ADARB1: variants seen among roughly 807,000 people sequenced by gnomAD.
The protein encoded by ADARB1 is adenosine deaminase RNA specific B1, also known as double-stranded RNA-specific editase 1.
ADARB1 carries 10 observed loss-of-function variants against 52.4 expected under a neutral mutation model. That is an observed-to-expected ratio of 0.19 (90% CI 0.12 to 0.32). The LOEUF is 0.32. ADARB1 is among the 10% of genes least tolerant of loss of function. ADARB1 has a pLI of 1.00. For missense variants in ADARB1, 643 were observed against 922.3 expected, an observed-to-expected ratio of 0.70 and a Z score of 3.92; for synonymous variants, 349 against 371.1, an observed-to-expected ratio of 0.94 and a Z score of 0.68.
intron 1 of ADARB1, among the ~76,000 whole-genome samples, chr21:45,114,699 A>C (rs2087735503): frequency 6.6e-6 from 1 of 152,222 alleles, no homozygotes; most frequent in African/African-American, 2.4e-5. Flanking sequence ...ACCTCCAGTA[A>C]TAGCTAACAT....
chr21:45,225,049 G>C lies in ADARB1; in HGVS notation c.*2852G>C. On this transcript the variant is annotated 3_prime_UTR_variant, in exon 11 of 11. Coordinates refer to ENST00000348831, the MANE Select transcript of ADARB1 (RefSeq NM_001112.4). ...TTACATTTTGAGGACATTTTGACAA[G>C]TAGGGGAAGAGAGGGCTTCTGTTGT... The C allele has an allele frequency of 1.0e-6, 1 of 980,666 alleles. No homozygotes were observed. Among genetic ancestry groups the C allele is most frequent in the Non-Finnish European group, 1.2e-6 (1 of 829,396 alleles). The allele number at this position is 980,666 out of a possible 1,614,324, so 60.7% of individuals were successfully genotyped here.
chr21:45,225,235 C>T lies in ADARB1; in HGVS notation c.*3038C>T, dbSNP rs565046330. 120 of 1,110,496 alleles carry T rather than the reference C, an allele frequency of 1.1e-4. No individual in the cohort carries two copies. Among genetic ancestry groups the T allele is most frequent in the Non-Finnish European group, 7.6e-5 (69 of 911,292 alleles). The allele number at this position is 1,110,496 out of a possible 1,614,324, so 68.8% of individuals were successfully genotyped here. A position where few individuals can be genotyped will look rare whatever the true frequency, so the allele number is the denominator to read the frequency against. On this transcript the variant is annotated 3_prime_UTR_variant, in exon 11 of 11. Coordinates refer to ENST00000348831, the MANE Select transcript of ADARB1 (RefSeq NM_001112.4). ...CTGTGCCATGAGGCAGCGACAGGTC[C>T]AGATGGATGTCGTCACCACCTTCCT...
At chr21:45,195,749 T>TA (rs1317962443) in intron 8 of ADARB1, among the ~76,000 whole-genome samples, 2 of 152,242 alleles carry the variant, frequency 1.3e-5, no homozygotes, top group African/African-American at 4.8e-5. Flanking sequence ...CTAGACTTTT[T>TA]ATTCTGTCCC....
In ADARB1 at chr21:45,082,127, C is replaced by T. The variant is rs149290345; in HGVS notation, c.-220+7334C>T. On this transcript the variant is annotated intron_variant, in intron 1 of 10. Coordinates refer to ENST00000348831, the MANE Select transcript of ADARB1 (RefSeq NM_001112.4). ...TTGGATGGTGATGATGTGATGATGC[C>T]ACGTTCCAGAGGATCTCAGGTTAGG... Among the ~76,000 whole-genome samples the T allele has an allele frequency of 2.6e-5, 4 of 152,262 alleles. No individual in the cohort carries two copies. The East Asian group carries it at 7.7e-4, about 29-fold the overall frequency.
chr21:45,109,266 CACT>C (rs1471443829), intron 1 of ADARB1, among the ~76,000 whole-genome samples: 1 of 40,802 alleles, frequency 2.5e-5, no homozygotes, highest in African/African-American at 6.4e-5. Context: ...TATGTGTGTG[CACT>C]GCGCGCGTGT....
chr21:45,135,765 A>G (rs2089325862), intron 2 of ADARB1, among the ~76,000 whole-genome samples: 1 of 152,244 alleles, frequency 6.6e-6, no homozygotes, highest in South Asian at 2.1e-4. Flanking sequence ...TATGAAGTGT[A>G]GAATGTCAGC....
At chr21:45,105,934 C>A (rs559535475) in intron 1 of ADARB1, among the ~76,000 whole-genome samples, 11 of 152,134 alleles carry the variant, frequency 7.2e-5, no homozygotes, top group Non-Finnish European at 1.5e-4. Context: ...AGCTTCTTTG[C>A]TTTTTTAGGC....
chr21:45,081,490 C>G (rs1430033058), intron 1 of ADARB1, among the ~76,000 whole-genome samples: 2 of 152,206 alleles, frequency 1.3e-5, no homozygotes, highest in Non-Finnish European at 2.9e-5. Context: ...TGTGAGTGTT[C>G]TGAGCACCTT....
chr21:45,154,345 T>G (rs2090449153), intron 2 of ADARB1, among the ~76,000 whole-genome samples: 1 of 152,218 alleles, frequency 6.6e-6, no homozygotes, highest in Non-Finnish European at 1.5e-5. Context: ...TATTTTGTAA[T>G]AAGCATTATC....
chr21:45,081,178 G>T (rs2086135618), intron 1 of ADARB1, among the ~76,000 whole-genome samples: 1 of 152,142 alleles, frequency 6.6e-6, no homozygotes, highest in Non-Finnish European at 1.5e-5. Flanking sequence ...CTGAGTGCCT[G>T]CTCTGTGTGA....
chr21:45,137,997 C>T (rs1421703855), intron 2 of ADARB1, among the ~76,000 whole-genome samples: 1 of 152,156 alleles, frequency 6.6e-6, no homozygotes, highest in Non-Finnish European at 1.5e-5. Flanking sequence ...GTGATGCCCT[C>T]AAACTTAGAA....
chr21:45,195,463 C>A (rs2092403730), intron 8 of ADARB1, among the ~76,000 whole-genome samples: 1 of 152,112 alleles, frequency 6.6e-6, no homozygotes, highest in South Asian at 2.1e-4. Flanking sequence ...GATGTTACAT[C>A]TGAAAAGTCA....
Position 45,223,881 on chromosome 21 carries a change from T to A in ADARB1, c.*1684T>A. 1 of 985,480 alleles carries A rather than the reference T, an allele frequency of 1.0e-6. No individual in the cohort carries two copies. The allele number at this position is 985,480 out of a possible 1,614,324, so 61.0% of individuals were successfully genotyped here. A position where few individuals can be genotyped will look rare whatever the true frequency, so the allele number is the denominator to read the frequency against. ...TGCTTAGGGCTCATTGTTGGGGACA[T>A]GACCGGGTTCAGCGGCTAGAACATC... On this transcript the variant is annotated 3_prime_UTR_variant, in exon 11 of 11. Coordinates refer to ENST00000348831, the MANE Select transcript of ADARB1 (RefSeq NM_001112.4).
intron 2 of ADARB1, chr21:45,137,250 G>C (rs2089442036): frequency 6.6e-6 from 1 of 152,194 alleles, no homozygotes; most frequent in Non-Finnish European, 1.5e-5. Context: ...GAGGGACTCG[G>C]AGTGACACAG....
At chr21:45,117,561 G>T (rs1046555472) in intron 1 of ADARB1, among the ~76,000 whole-genome samples, 6 of 149,696 alleles carry the variant, frequency 4.0e-5, no homozygotes, top group Non-Finnish European at 3.0e-5. Flanking sequence ...CTTTATCTTT[G>T]TTCTTTCACA....
At chr21:45,156,536 C>T (rs2090657551) in intron 2 of ADARB1, among the ~76,000 whole-genome samples, 1 of 129,250 alleles carries the variant, frequency 7.7e-6, no homozygotes, top group African/African-American at 2.9e-5. Context: ...CACCCATCAC[C>T]CATCATCCAT....
chr21:45,090,193 CTG>C (rs1166725470), intron 1 of ADARB1, among the ~76,000 whole-genome samples: 1 of 152,182 alleles, frequency 6.6e-6, no homozygotes, highest in Non-Finnish European at 1.5e-5. Flanking sequence ...TCCCTCCAGT[CTG>C]TTAATATAGC....
intron 1 of ADARB1, among the ~76,000 whole-genome samples, chr21:45,075,737 G>C (rs1377663362): frequency 6.6e-6 from 1 of 152,076 alleles, no homozygotes; most frequent in Non-Finnish European, 1.5e-5. Context: ...TTCCTGTCCA[G>C]GTTTCTATGT....
At chr21:45,168,438 T>C (rs2091342151) in intron 2 of ADARB1, among the ~76,000 whole-genome samples, 2 of 152,248 alleles carry the variant, frequency 1.3e-5, no homozygotes, top group African/African-American at 4.8e-5. Context: ...CTAAAAGTTT[T>C]ATAGTTTTAT....
Sources: allele counts gnomAD v4.1 joint callset (sites outside exome capture counted in the v4.1 genomes callset), GRCh38; gene constraint gnomAD v4.1.1; transcripts MANE v1.5; gene names NCBI Gene and HGNC (gene_info 2026-07-23, HGNC 2026-07-21).